RNF13: variants seen among roughly 807,000 people sequenced by gnomAD.
RNF13 encodes the protein ring finger protein 13.
Under a neutral mutation model 37.7 loss-of-function variants are expected in RNF13, and 19 were observed. The ratio of observed to expected loss-of-function variants is 0.50; its 90% CI spans 0.35 to 0.74. The LOEUF (loss-of-function observed/expected upper bound fraction) is 0.74, where lower values mean the gene tolerates loss of function less well. Ranked by LOEUF, RNF13 falls within the 30% of genes least tolerant of loss-of-function variation. The probability of loss-of-function intolerance (pLI) is 0.01; values close to 1 mark genes in which losing one functional copy is unlikely to be tolerated. For synonymous variants in RNF13, 144 were observed against 157.8 expected (o/e 0.91, Z 0.65); for missense variants, 375 against 453.0 (o/e 0.83, Z 1.56).
chr3:149,875,458 T>A (rs1712574333), intron 4 of RNF13, among the ~76,000 whole-genome samples: 1 of 152,190 alleles, frequency 6.6e-6, no homozygotes, highest in Non-Finnish European at 1.5e-5. Flanking sequence ...AGGAAATGAA[T>A]AAGTGGAATG....
intron 5 of RNF13, among the ~76,000 whole-genome samples, chr3:149,898,828 T>C (rs1715525047): frequency 6.6e-6 from 1 of 152,104 alleles, no homozygotes; most frequent in African/African-American, 2.4e-5. Context: ...TAAGGGGATA[T>C]AGAATGACAG....
chr3:149,872,076 G>T lies in RNF13; in HGVS notation c.243G>T (p.Val81=). 1 of 1,607,358 alleles carries T rather than the reference G, an allele frequency of 6.2e-7. No individual in the cohort carries two copies. The highest frequency in any genetic ancestry group is 1.1e-5 in the South Asian group (1 of 89,926). ...CAGAGAATGCCTGTGAACCCATAGT[G>T]CCTCCACCAGTAAAAGACAATTCAT... The part of the protein sequence containing the change: ...SKPENACEPI[V]PPPVKDNSSG... Residue 81 remains valine, a synonymous_variant, in exon 4 of 10, where the codon GTG becomes GTT. Transcript: ENST00000392894.
intron 3 of RNF13, among the ~76,000 whole-genome samples, chr3:149,860,682 A>G (rs900517851): frequency 6.6e-6 from 1 of 152,184 alleles, no homozygotes; most frequent in African/African-American, 2.4e-5. Context: ...ACATATGGAA[A>G]ACACTTCAGG....
At chr3:149,820,273 A>G (rs1225195467) in intron 1 of RNF13, among the ~76,000 whole-genome samples, 3 of 151,858 alleles carry the variant, frequency 2.0e-5, no homozygotes, top group Non-Finnish European at 4.4e-5. Flanking sequence ...TATGGTCTCA[A>G]ACTCCTGGCC....
chr3:149,867,886 C>T (rs1711539891), intron 3 of RNF13, among the ~76,000 whole-genome samples: 1 of 151,418 alleles, frequency 6.6e-6, no homozygotes, highest in Admixed American at 6.6e-5. Context: ...TGGTTATTTT[C>T]TCTGATAGTA....
intron 4 of RNF13, among the ~76,000 whole-genome samples, chr3:149,886,075 T>A (rs547439124): frequency 1.3e-5 from 2 of 152,368 alleles, no homozygotes; most frequent in South Asian, 4.1e-4. Context: ...TTTTCTATTC[T>A]GTTCCATTGT....
chr3:149,915,859 AT>A (rs1717454946), intron 7 of RNF13, among the ~76,000 whole-genome samples: 1 of 152,198 alleles, frequency 6.6e-6, no homozygotes, highest in Non-Finnish European at 1.5e-5. Context: ...AGGGGGAGTT[AT>A]TGTTTAATGG....
At chr3:149,863,414 C>T (rs1724481258) in intron 3 of RNF13, among the ~76,000 whole-genome samples, 1 of 152,144 alleles carries the variant, frequency 6.6e-6, no homozygotes, top group Non-Finnish European at 1.5e-5. Flanking sequence ...GAGACTCGCT[C>T]TGTCATGCAG....
chr3:149,911,640 C>G (rs1357413308), intron 6 of RNF13, among the ~76,000 whole-genome samples: 1 of 150,850 alleles, frequency 6.6e-6, no homozygotes, highest in South Asian at 2.1e-4. Context: ...GCCTGGGCAA[C>G]AGAACAAGGC....
intron 6 of RNF13, among the ~76,000 whole-genome samples, chr3:149,910,619 T>C (rs755591284): frequency 1.7e-4 from 26 of 152,248 alleles, no homozygotes; most frequent in Non-Finnish European, 3.7e-4. Context: ...GGAGTAAATC[T>C]GTTATTTTCC....
chr3:149,818,847 G>T (rs1355676579), intron 1 of RNF13, among the ~76,000 whole-genome samples: 1 of 152,138 alleles, frequency 6.6e-6, no homozygotes, highest in Non-Finnish European at 1.5e-5. Context: ...GGAGGCGGAG[G>T]TTGCAGTGAG....
At chr3:149,849,168 G>A (rs1263921598) in intron 2 of RNF13, among the ~76,000 whole-genome samples, 6 of 152,150 alleles carry the variant, frequency 3.9e-5, no homozygotes, top group Non-Finnish European at 8.8e-5. Flanking sequence ...TTGCACTTAA[G>A]AGAGAACTAC....
chr3:149,898,080 A>C (rs529710025), intron 5 of RNF13, among the ~76,000 whole-genome samples: 2 of 152,228 alleles, frequency 1.3e-5, no homozygotes, highest in African/African-American at 4.8e-5. Flanking sequence ...CTTAATCTTT[A>C]TAAGCACATT....
chr3:149,928,004 CTTTTTTT>C (rs766839142), intron 8 of RNF13, among the ~76,000 whole-genome samples: 8 of 111,202 alleles, frequency 7.2e-5, no homozygotes, highest in Non-Finnish European at 1.3e-4. Context: ...AAGCAAAAAC[CTTTTTTT>C]TTTTTTTTTT....
chr3:149,827,082 A>G (rs1720577614), intron 1 of RNF13, among the ~76,000 whole-genome samples: 1 of 152,198 alleles, frequency 6.6e-6, no homozygotes, highest in African/African-American at 2.4e-5. Flanking sequence ...TTAAATATTA[A>G]CGTACAGTTG....
chr3:149,915,959 C>G (rs1717464546), intron 7 of RNF13, among the ~76,000 whole-genome samples: 2 of 152,178 alleles, frequency 1.3e-5, no homozygotes, highest in South Asian at 4.1e-4. Flanking sequence ...AGCCATCGAA[C>G]TGTACACTTA....
chr3:149,867,967 T>G (rs974737824), intron 3 of RNF13, among the ~76,000 whole-genome samples: 7 of 151,928 alleles, frequency 4.6e-5, no homozygotes, highest in Non-Finnish European at 8.8e-5. Context: ...ACTATGAGGC[T>G]TACAAAGCCA....
intron 7 of RNF13, among the ~76,000 whole-genome samples, chr3:149,919,094 A>C (rs1295523727): frequency 6.6e-6 from 1 of 152,086 alleles, no homozygotes; most frequent in Non-Finnish European, 1.5e-5. Context: ...TGATATGAAC[A>C]TTTGCATTAT....
At chr3:149,825,653 C>T (rs1460902093) in intron 1 of RNF13, among the ~76,000 whole-genome samples, 2 of 152,218 alleles carry the variant, frequency 1.3e-5, no homozygotes, top group African/African-American at 4.8e-5. Flanking sequence ...TGCAACCACA[C>T]CTGCTCCAGT....
Sources: gnomAD v4.1 joint callset for allele counts (sites outside exome capture counted in the v4.1 genomes callset) on GRCh38, gnomAD v4.1.1 for gene constraint, MANE v1.5 for transcripts, NCBI Gene and HGNC (gene_info 2026-07-23, HGNC 2026-07-21) for gene names.